Variants in NPY2R observed in about 807,000 individuals in gnomAD.
NPY2R encodes neuropeptide Y receptor Y2, also known as neuropeptide Y receptor type 2.
In NPY2R, 17 loss-of-function variants were observed where a neutral mutation model predicts 22.3. The ratio of observed to expected loss-of-function variants is 0.76; its 90% CI spans 0.52 to 1.14. The LOEUF is 1.14. Among genes scored for constraint, NPY2R ranks in the 50% most tolerant of loss-of-function variants. The pLI is 0.00. For missense variants in NPY2R, 424 were observed against 467.9 expected (o/e 0.91, Z 0.87); for synonymous variants, 209 against 183.4 (o/e 1.14, Z -1.13).
chr4:155,206,110 C>A (rs536304557), upstream of NPY2R, among the ~76,000 whole-genome samples: 8 of 152,300 alleles, frequency 5.3e-5, no homozygotes, highest in African/African-American at 1.9e-4. Flanking sequence ...CTCTCTCCTA[C>A]AACCTAGCAT....
chr4:155,203,482 A>T, the NPY2R span, among the ~76,000 whole-genome samples: 1 of 152,196 alleles, frequency 6.6e-6, no homozygotes, highest in Admixed American at 6.5e-5. Flanking sequence ...TTTTTTAAAA[A>T]GACTATTTTA....
In NPY2R at chr4:155,214,823, G is replaced by A; in HGVS notation, c.884G>A (p.Ser295Asn). The change falls in exon 2 of 2, where the codon AGC becomes AAC. Residue 295 changes from serine (S) to asparagine (N), a missense_variant. Transcript: ENST00000329476. Reference protein sequence around the residue: ...HAFQLAVDIDSQVLDLKEYKL... With the variant: ...HAFQLAVDIDNQVLDLKEYKL... ...TTCCAGCTTGCCGTTGACATTGACA[G>A]CCAGGTCCTGGACCTGAAGGAGTAC... 6.2e-7 allele frequency: 1 copy of A among 1,611,670 alleles called. No individual in the cohort carries two copies. The highest frequency in any genetic ancestry group is 2.2e-5 in the East Asian group (1 of 44,836).
chr4:155,216,869 G>A lies in NPY2R; in HGVS notation c.*1784G>A, dbSNP rs1244725766. ...TTGCTTAAGATGCTAATAGAAAACT[G>A]TGGTTAAAGATTTACCCTCCCTCTT... On this transcript the variant is annotated 3_prime_UTR_variant, in exon 2 of 2. Transcript: ENST00000329476. The A allele has an allele frequency of 1.2e-5, 2 of 166,996 alleles. No individual in the cohort carries two copies. Among genetic ancestry groups the A allele is most frequent in the Non-Finnish European group, 2.9e-5 (2 of 68,086 alleles). 10.3% of individuals were successfully genotyped at this position (166,996 alleles called of 1,614,324 possible).
At chr4:155,200,556 A>G in the NPY2R span, among the ~76,000 whole-genome samples, 1 of 152,182 alleles carries the variant, frequency 6.6e-6, no homozygotes, top group Non-Finnish European at 1.5e-5. Context: ...ACGTACATGT[A>G]TGTTTACTGC....
the NPY2R span, among the ~76,000 whole-genome samples, chr4:155,202,209 C>T: frequency 2.0e-5 from 3 of 152,116 alleles, no homozygotes; most frequent in African/African-American, 7.2e-5. Flanking sequence ...GTATTTCTAT[C>T]TAGGTTTACA....
At chr4:155,174,385 G>A in the NPY2R span, 2 of 149,610 alleles carry the variant, frequency 1.3e-5, no homozygotes, top group Non-Finnish European at 1.5e-5. Flanking sequence ...AAATGGGTGA[G>A]AAGAAGGTCT....
chr4:155,188,231 A>G, the NPY2R span, among the ~76,000 whole-genome samples: 1 of 152,134 alleles, frequency 6.6e-6, no homozygotes, highest in Non-Finnish European at 1.5e-5. Flanking sequence ...CCAAAGCTTG[A>G]TAATCAGGCT....
the NPY2R span, among the ~76,000 whole-genome samples, chr4:155,174,476 ATATATATATTTTT>A: frequency 1.1e-5 from 1 of 88,492 alleles, no homozygotes; most frequent in Non-Finnish European, 2.0e-5. Flanking sequence ...ATATATATAT[ATATATATATTTTT>A]TTTTTTAAAT....
At chr4:155,209,796 C>T (rs17376826) in intron 1 of NPY2R, among the ~76,000 whole-genome samples, 10,645 of 151,928 alleles carry the variant, frequency 0.07, 448 homozygotes, top group Middle Eastern at 0.12. Flanking sequence ...TTCTGGAAGA[C>T]ATTGTGCTTG....
rs898141790 is a variant in NPY2R, at chr4:155,216,191, G to T, written c.*1106G>T. 6.0e-6 allele frequency: 1 copy of T among 166,974 alleles called. No homozygotes were observed. The highest frequency in any genetic ancestry group is 1.9e-4 in the East Asian group (1 of 5,184). The allele number at this position is 166,974 out of a possible 1,614,324, so 10.3% of individuals were successfully genotyped here. A position where few individuals can be genotyped will look rare whatever the true frequency, so the allele number is the denominator to read the frequency against. On this transcript the variant is annotated 3_prime_UTR_variant, in exon 2 of 2. Transcript: ENST00000329476. ...AAAAACACTGGATTCATTTCATCTT[G>T]CAAATGTTGTATTTCAAACCAGTTT...
chr4:155,210,050 G>T (rs1729370784), intron 1 of NPY2R, among the ~76,000 whole-genome samples: 1 of 152,140 alleles, frequency 6.6e-6, no homozygotes, highest in Admixed American at 6.5e-5. Context: ...ACCAGTAAAA[G>T]TTCTCTTTAA....
At chr4:155,196,783 G>T in the NPY2R span, among the ~76,000 whole-genome samples, 2 of 151,164 alleles carry the variant, frequency 1.3e-5, no homozygotes, top group African/African-American at 2.5e-5. Context: ...GGGGCCAGAG[G>T]GGGGATCTCA....
chr4:155,214,152 G>T lies in NPY2R; in HGVS notation c.213G>T (p.Val71=). Residue 71 remains valine (V), a synonymous_variant, in exon 2 of 2, where the codon GTG becomes GTT. Coordinates refer to ENST00000329476, the MANE Select transcript of NPY2R (RefSeq NM_000910.4). Reference sequence around the variant, plus strand: ...TTGGGGTAATTGGCAACTCCTTGGTGATCCATGTGGTGATCAAATTCAAGA... The same window carrying T: ...TTGGGGTAATTGGCAACTCCTTGGTTATCCATGTGGTGATCAAATTCAAGA... The part of the protein sequence containing the change: ...ILLGVIGNSL[V]IHVVIKFKSM... 2.5e-6 allele frequency: 4 copies of T among 1,613,806 alleles called. No individual in the cohort carries two copies. Among genetic ancestry groups the T allele is most frequent in the Non-Finnish European group, 3.4e-6 (4 of 1,179,704 alleles).
At chr4:155,212,686 C>T (rs1729431375) in intron 1 of NPY2R, among the ~76,000 whole-genome samples, 2 of 152,054 alleles carry the variant, frequency 1.3e-5, no homozygotes, top group Admixed American at 6.6e-5. Flanking sequence ...TTAGAGTAAT[C>T]ATGATAAGAG....
chr4:155,215,186 G>A lies in NPY2R; in HGVS notation c.*101G>A. ...AAAACTGATTTCCCATTTTAAAGAA[G>A]AAGTGGATCTAAATGGAAGCATCTG... is the stretch of plus-strand genomic sequence containing the variant. On this transcript the variant is annotated 3_prime_UTR_variant, in exon 2 of 2. Transcript: ENST00000329476. 1 of 1,125,532 alleles carries A rather than the reference G, an allele frequency of 8.9e-7. No individual in the cohort carries two copies. Among genetic ancestry groups the A allele is most frequent in the Non-Finnish European group, 1.3e-6 (1 of 752,450 alleles). The allele number at this position is 1,125,532 out of a possible 1,614,324, so 69.7% of individuals were successfully genotyped here. A position where few individuals can be genotyped will look rare whatever the true frequency, so the allele number is the denominator to read the frequency against.
chr4:155,182,121 G>A, the NPY2R span, among the ~76,000 whole-genome samples: 13,385 of 152,088 alleles, frequency 0.088, 866 homozygotes, highest in South Asian at 0.28. Context: ...AAGACTAAAA[G>A]AGTTATCAAC....
chr4:155,209,708 GA>G (rs1406796978), intron 1 of NPY2R, among the ~76,000 whole-genome samples: 1 of 151,498 alleles, frequency 6.6e-6, no homozygotes, highest in Non-Finnish European at 1.5e-5. Flanking sequence ...CCCATTCCTA[GA>G]ACTAATTAGT....
chr4:155,208,597 G>C (rs1396773380), upstream of NPY2R: 2 of 152,510 alleles, frequency 1.3e-5, no homozygotes, highest in Non-Finnish European at 2.9e-5. The surrounding 1 kb of genome is among the most constrained non-coding windows in gnomAD (Gnocchi z 5.6). Context: ...CCTCTGGGTA[G>C]GGTCTGGCTG....
chr4:155,192,033 G>T, the NPY2R span, among the ~76,000 whole-genome samples: 5 of 151,748 alleles, frequency 3.3e-5, no homozygotes, highest in African/African-American at 1.2e-4. Context: ...ATTTTCTGGC[G>T]ATACTTTCAT....
Sources: allele counts gnomAD v4.1 joint callset (sites outside exome capture counted in the v4.1 genomes callset), GRCh38; gene constraint gnomAD v4.1.1; non-coding constraint Gnocchi (gnomAD v3.1); transcripts MANE v1.5; gene names NCBI Gene and HGNC (gene_info 2026-07-23, HGNC 2026-07-21).